ADCY8: variants seen among roughly 807,000 people sequenced by gnomAD.
ADCY8 encodes adenylate cyclase type 8.
In ADCY8, 51 loss-of-function variants were observed where a neutral mutation model predicts 119.7. That is an observed-to-expected ratio of 0.43 (90% CI 0.34 to 0.54). ADCY8 has a LOEUF of 0.54. ADCY8 is among the 20% of genes least tolerant of loss of function. The probability of loss-of-function intolerance (pLI) is 0.03; values close to 1 mark genes in which losing one functional copy is unlikely to be tolerated. For missense variants in ADCY8, 1,383 were observed against 1,598.8 expected (o/e 0.87, Z 2.30); for synonymous variants, 665 against 651.0 (o/e 1.02, Z -0.33).
At chr8:130,863,269 T>TG (rs1240709076) in intron 9 of ADCY8, among the ~76,000 whole-genome samples, 2 of 152,152 alleles carry the variant, frequency 1.3e-5, no homozygotes, top group African/African-American at 4.8e-5. Flanking sequence ...CTATTTGGTG[T>TG]GAAATTGATA....
intron 1 of ADCY8, among the ~76,000 whole-genome samples, chr8:131,032,305 C>T (rs1269386585): frequency 6.6e-6 from 1 of 152,062 alleles, no homozygotes; most frequent in Non-Finnish European, 1.5e-5. Context: ...AGCACTTGAG[C>T]TTGGATATAT....
At chr8:130,848,667 C>A (rs1440781751) in intron 10 of ADCY8, among the ~76,000 whole-genome samples, 4 of 152,188 alleles carry the variant, frequency 2.6e-5, no homozygotes, top group Non-Finnish European at 5.9e-5. Flanking sequence ...GTGATGGATT[C>A]AACCACATGA....
At chr8:130,852,694 G>T (rs1214587101) in intron 9 of ADCY8, among the ~76,000 whole-genome samples, 1 of 152,032 alleles carries the variant, frequency 6.6e-6, no homozygotes, top group Non-Finnish European at 1.5e-5. Flanking sequence ...TGGCATACAG[G>T]GCCTTGAGTG....
At chr8:130,847,542 C>T in intron 10 of ADCY8, 29 bp from the exon 11 acceptor site, 3 of 1,421,256 alleles carry the variant, frequency 2.1e-6, no homozygotes, top group Non-Finnish European at 2.9e-6. Context: ...AAAAAAAGAA[C>T]AACAAAAACA....
intron 11 of ADCY8, among the ~76,000 whole-genome samples, chr8:130,842,048 G>T (rs1817161584): frequency 1.3e-5 from 2 of 152,136 alleles, no homozygotes; most frequent in Non-Finnish European, 2.9e-5. Flanking sequence ...TGTTAATTAG[G>T]GGAAAAGAAA....
chr8:130,819,036 T>C (rs1199859725), intron 13 of ADCY8, among the ~76,000 whole-genome samples: 1 of 152,234 alleles, frequency 6.6e-6, no homozygotes, highest in Non-Finnish European at 1.5e-5. Flanking sequence ...GCCACTGGGA[T>C]AAGTATATTA....
At chr8:130,953,561 GA>G (rs201361981) in intron 2 of ADCY8, among the ~76,000 whole-genome samples, 1,841 of 152,264 alleles carry the variant, frequency 0.012, 26 homozygotes, top group Middle Eastern at 0.027. Context: ...GGTGAGATGG[GA>G]AAAGTCTTGG....
chr8:130,804,207 G>C (rs1391856409), intron 14 of ADCY8, among the ~76,000 whole-genome samples: 1 of 152,172 alleles, frequency 6.6e-6, no homozygotes, highest in South Asian at 2.1e-4. Context: ...AGACTCTGTG[G>C]CTTAAACAAC....
At chr8:130,943,662 G>A (rs1043741160) in intron 3 of ADCY8, among the ~76,000 whole-genome samples, 200 bp from the exon 4 acceptor site, 2 of 152,184 alleles carry the variant, frequency 1.3e-5, no homozygotes, top group Non-Finnish European at 2.9e-5. Flanking sequence ...AGGAGCTCAG[G>A]AAGGACAAGG....
intron 8 of ADCY8, among the ~76,000 whole-genome samples, chr8:130,880,933 A>C (rs957278638): frequency 6.6e-6 from 1 of 152,220 alleles, no homozygotes; most frequent in Non-Finnish European, 1.5e-5. Flanking sequence ...CATTTCACAG[A>C]TAAAGAATCC....
chr8:130,959,737 A>C (rs1350150559), intron 2 of ADCY8, among the ~76,000 whole-genome samples: 2 of 152,326 alleles, frequency 1.3e-5, no homozygotes, highest in South Asian at 2.1e-4. Flanking sequence ...ATGGTTGTGG[A>C]ATACCATTCT....
At chr8:130,911,777 G>T (rs570632791) in intron 5 of ADCY8, among the ~76,000 whole-genome samples, 2 of 149,930 alleles carry the variant, frequency 1.3e-5, no homozygotes, top group South Asian at 2.1e-4. Context: ...ATAATTAATA[G>T]AATAGTTAAT....
At chr8:130,829,355 G>C (rs1290697862) in intron 12 of ADCY8, among the ~76,000 whole-genome samples, 1 of 152,210 alleles carries the variant, frequency 6.6e-6, no homozygotes, top group Non-Finnish European at 1.5e-5. Context: ...AGGTAAGAGG[G>C]AAGTATATCT....
intron 2 of ADCY8, among the ~76,000 whole-genome samples, chr8:130,967,761 GT>G (rs1821804785): frequency 6.6e-6 from 1 of 151,984 alleles, no homozygotes; most frequent in African/African-American, 2.4e-5. Context: ...TTTATTAGCA[GT>G]TCTAAAATAC....
chr8:131,009,927 A>C (rs1441364672), intron 1 of ADCY8, among the ~76,000 whole-genome samples: 2 of 152,182 alleles, frequency 1.3e-5, no homozygotes, highest in Non-Finnish European at 2.9e-5. Context: ...GAGTGGCTGC[A>C]CATGGTTGGG....
chr8:130,801,899 CTTTTT>C (rs34853195), intron 14 of ADCY8, among the ~76,000 whole-genome samples: 2 of 97,794 alleles, frequency 2.0e-5, no homozygotes, highest in South Asian at 4.5e-4. Flanking sequence ...TTGAGAATGC[CTTTTT>C]TTTTTTTTTT....
chr8:131,002,048 C>T (rs1406436739), intron 1 of ADCY8, among the ~76,000 whole-genome samples: 1 of 152,186 alleles, frequency 6.6e-6, no homozygotes, highest in African/African-American at 2.4e-5. Context: ...TAGAGCTTAA[C>T]AGTTTAGCTT....
chr8:130,987,011 T>C (rs1485809066), intron 2 of ADCY8, among the ~76,000 whole-genome samples: 3 of 152,162 alleles, frequency 2.0e-5, no homozygotes, highest in African/African-American at 7.2e-5. Flanking sequence ...ATTAAAGTCA[T>C]ACTCATCCTC....
intron 7 of ADCY8, among the ~76,000 whole-genome samples, chr8:130,900,527 G>C (rs1819562149): frequency 1.3e-5 from 2 of 152,154 alleles, no homozygotes; most frequent in Admixed American, 6.5e-5. Flanking sequence ...CCAATAGGCA[G>C]CTATCAGTCT....
Sources: allele counts gnomAD v4.1 joint callset (sites outside exome capture counted in the v4.1 genomes callset), GRCh38; gene constraint gnomAD v4.1.1; transcripts MANE v1.5; gene names NCBI Gene and HGNC (gene_info 2026-07-23, HGNC 2026-07-21).